The following ADAMTS2 variants were observed in gnomAD, a reference collection of about 807,000 sequenced individuals.
ADAMTS2 encodes A disintegrin and metalloproteinase with thrombospondin motifs 2.
A neutral mutation model predicts 123.0 loss-of-function variants in ADAMTS2; 50 were observed. The observed-to-expected ratio is 0.41, with a 90% confidence interval of 0.32 to 0.51. ADAMTS2 has a LOEUF of 0.51. Among genes scored for constraint, ADAMTS2 ranks in the 20% least tolerant of loss-of-function variants. ADAMTS2 has a pLI of 0.35. For synonymous variants in ADAMTS2, 678 were observed against 695.4 expected (o/e 0.98, Z 0.39); for missense variants, 1,494 against 1,705.2 (o/e 0.88, Z 2.18).
At chr5:179,319,504 A>G (rs1757098790) in intron 2 of ADAMTS2, among the ~76,000 whole-genome samples, 2 of 152,040 alleles carry the variant, frequency 1.3e-5, no homozygotes, top group Admixed American at 1.3e-4. Flanking sequence ...ATTTGCACAC[A>G]TGCATCACTG....
intron 3 of ADAMTS2, among the ~76,000 whole-genome samples, chr5:179,267,530 G>A (rs1050919649): frequency 6.6e-6 from 1 of 152,236 alleles, no homozygotes; most frequent in Non-Finnish European, 1.5e-5. Flanking sequence ...ACAGCAGCCT[G>A]GTAGCAGTTC....
intron 3 of ADAMTS2, among the ~76,000 whole-genome samples, chr5:179,245,085 G>A (rs1284778821): frequency 3.9e-5 from 6 of 152,140 alleles, no homozygotes; most frequent in Admixed American, 2.6e-4. Context: ...AAATTATCCT[G>A]GATTAGCCAG....
chr5:179,304,576 A>G (rs939326639), intron 2 of ADAMTS2, among the ~76,000 whole-genome samples: 1 of 152,224 alleles, frequency 6.6e-6, no homozygotes, highest in Non-Finnish European at 1.5e-5. Context: ...AACTCACTGG[A>G]TAGGCTCAAG....
chr5:179,155,148 C>T lies in ADAMTS2; in HGVS notation c.1133-229G>A, dbSNP rs559150253. Reference sequence around the variant, plus strand: ...CCCGTCACCACACAAGCCCCGTGGCCGTTCTGCCTGTAACAGCCACACTGC... The same window carrying T: ...CCCGTCACCACACAAGCCCCGTGGCTGTTCTGCCTGTAACAGCCACACTGC... On this transcript the variant is annotated intron_variant, in intron 6 of 21. Transcript: ENST00000251582. This position sits in a 1 kb window ranked among gnomAD's most constrained non-coding sequence, Gnocchi z 5.1. Among the ~76,000 whole-genome samples the T allele has an allele frequency of 1.3e-5, 2 of 152,358 alleles. No individual in the cohort carries two copies. Among genetic ancestry groups the T allele is most frequent in the East Asian group, 1.9e-4 (1 of 5,188 alleles).
Position 179,207,264 on chromosome 5 carries a change from T to G in ADAMTS2, c.891+249A>C, listed in dbSNP as rs1401296815. ...CGACTGGAGTTTGCACAAACCCGCC[T>G]TAGCCTGTGAAGAGCCTCACCAAGT... is the stretch of plus-strand genomic sequence containing the variant. On this transcript the variant is annotated intron_variant, in intron 4 of 21. Coordinates refer to ENST00000251582, the MANE Select transcript of ADAMTS2 (RefSeq NM_014244.5). Among the ~76,000 whole-genome samples, 3 of 152,212 alleles carry G rather than the reference T, an allele frequency of 2.0e-5. No individual in the cohort carries two copies. The East Asian group carries it at 5.8e-4, about 29-fold the overall frequency.
intron 3 of ADAMTS2, among the ~76,000 whole-genome samples, chr5:179,239,252 G>T (rs1765605046): frequency 6.6e-6 from 1 of 152,158 alleles, no homozygotes; most frequent in African/African-American, 2.4e-5. Context: ...ATGGTGAGAA[G>T]TGATCAGGGT....
chr5:179,229,282 G>A (rs1265841037), intron 3 of ADAMTS2, among the ~76,000 whole-genome samples: 3 of 149,746 alleles, frequency 2.0e-5, no homozygotes, highest in Admixed American at 6.7e-5. Flanking sequence ...GCCCACTCCC[G>A]ACGGAGAGGT....
intron 5 of ADAMTS2, among the ~76,000 whole-genome samples, chr5:179,176,554 C>T (rs894989443): frequency 1.3e-5 from 2 of 152,214 alleles, no homozygotes; most frequent in Non-Finnish European, 2.9e-5. Flanking sequence ...CCTAGTGCCA[C>T]ATCCTCTCGA....
chr5:179,151,085 CG>C (rs1481320891), intron 10 of ADAMTS2: 3 of 354,064 alleles, frequency 8.5e-6, no homozygotes, highest in Non-Finnish European at 1.2e-5. Flanking sequence ...TTAGTAGAGA[CG>C]GGATTTTGCC....
In ADAMTS2 at chr5:179,189,759, A is replaced by G. The variant is rs993396391; in HGVS notation, c.892-8604T>C. ...TCTTAAGGTAGGGGGGGACAATATT[A>G]CAAAGTATCTTCTTAAGGATGGGGG... On this transcript the variant is annotated intron_variant, in intron 4 of 21. Coordinates refer to ENST00000251582, the MANE Select transcript of ADAMTS2 (RefSeq NM_014244.5). This position sits in a 1 kb window ranked among gnomAD's most constrained non-coding sequence, Gnocchi z 4.2. Among the ~76,000 whole-genome samples the G allele has an allele frequency of 3.4e-5, 5 of 147,818 alleles. No individual in the cohort carries two copies. The highest frequency in any genetic ancestry group is 5.0e-5 in the African/African-American group (2 of 39,878).
intron 2 of ADAMTS2, among the ~76,000 whole-genome samples, chr5:179,309,020 C>T (rs959750085): frequency 1.2e-4 from 19 of 152,354 alleles, no homozygotes; most frequent in African/African-American, 3.6e-4. Flanking sequence ...GGGTCTCTTC[C>T]GCTGCCCTGG....
At chr5:179,337,965 G>A (rs370609535) in intron 2 of ADAMTS2, among the ~76,000 whole-genome samples, 3 of 152,198 alleles carry the variant, frequency 2.0e-5, no homozygotes, top group East Asian at 3.9e-4. Flanking sequence ...GACTCTGCAG[G>A]AGGGCCTGCA....
chr5:179,315,971 G>A (rs1019051479), intron 2 of ADAMTS2, among the ~76,000 whole-genome samples: 1 of 152,220 alleles, frequency 6.6e-6, no homozygotes, highest in Non-Finnish European at 1.5e-5. Flanking sequence ...TTACATGAAA[G>A]ATTCCAGCAT....
At chr5:179,195,673 G>A (rs1352084996) in intron 4 of ADAMTS2, among the ~76,000 whole-genome samples, 1 of 152,222 alleles carries the variant, frequency 6.6e-6, no homozygotes, top group Non-Finnish European at 1.5e-5. Flanking sequence ...CCTCGGGCCT[G>A]GCTACTGTGA....
At chr5:179,140,362 A>G (rs1210152149) in intron 10 of ADAMTS2, among the ~76,000 whole-genome samples, 1 of 152,224 alleles carries the variant, frequency 6.6e-6, no homozygotes, top group East Asian at 1.9e-4. Flanking sequence ...GTGCCCACAC[A>G]CAGCCCATTT....
chr5:179,205,510 A>G (rs1250479427), intron 4 of ADAMTS2, among the ~76,000 whole-genome samples: 2 of 152,238 alleles, frequency 1.3e-5, no homozygotes, highest in African/African-American at 4.8e-5. Flanking sequence ...ACGCGCCTGG[A>G]AAAGGCGAGG....
chr5:179,300,025 T>C (rs1354199830), intron 2 of ADAMTS2, among the ~76,000 whole-genome samples: 2 of 137,376 alleles, frequency 1.5e-5, no homozygotes, highest in African/African-American at 2.8e-5. Flanking sequence ...ACCCAGGAGG[T>C]GGAGCTTGCA....
chr5:179,322,803 G>A (rs764848163), intron 2 of ADAMTS2, among the ~76,000 whole-genome samples: 5 of 152,238 alleles, frequency 3.3e-5, no homozygotes, highest in Non-Finnish European at 7.3e-5. Context: ...CCCTCACTCG[G>A]GGCCTGACGG....
At chr5:179,335,802 G>A (rs917758816) in intron 2 of ADAMTS2, among the ~76,000 whole-genome samples, 4 of 152,172 alleles carry the variant, frequency 2.6e-5, no homozygotes, top group African/African-American at 4.8e-5. Flanking sequence ...CCCAATCCCT[G>A]CTTTCAAACA....
Sources: allele counts gnomAD v4.1 joint callset (sites outside exome capture counted in the v4.1 genomes callset), GRCh38; gene constraint gnomAD v4.1.1; non-coding constraint Gnocchi (gnomAD v3.1); transcripts MANE v1.5; gene names NCBI Gene and HGNC (gene_info 2026-07-23, HGNC 2026-07-21).